The following MEF2C variants were observed in gnomAD, a reference collection of about 807,000 sequenced individuals.
The protein encoded by MEF2C is myocyte enhancer factor 2C.
In MEF2C, 6 loss-of-function variants were observed where a neutral mutation model predicts 50.5. That is an observed-to-expected ratio of 0.12 (90% confidence interval 0.07 to 0.23). The LOEUF (loss-of-function observed/expected upper bound fraction) is 0.23, where lower values mean the gene tolerates loss of function less well. Ranked by LOEUF, MEF2C falls within the 10% of genes least tolerant of loss-of-function variation. The pLI is 1.00. For missense variants in MEF2C, 276 were observed against 605.0 expected, an observed-to-expected ratio of 0.46 and a Z score of 5.70; for synonymous variants, 183 against 228.0, an observed-to-expected ratio of 0.80 and a Z score of 1.78.
chr5:88,818,437 G>C (rs1806606201), intron 2 of MEF2C, among the ~76,000 whole-genome samples: 1 of 151,770 alleles, frequency 6.6e-6, no homozygotes, highest in Non-Finnish European at 1.5e-5. Context: ...AACTGATGGA[G>C]GTATTTCAAG....
chr5:88,737,077 T>C, intron 6 of MEF2C: 1 of 984,964 alleles, frequency 1.0e-6, no homozygotes, highest in Non-Finnish European at 1.2e-6. Context: ...ATATAGAATA[T>C]GCTAGAAAAA....
chr5:88,898,267 G>GGTTTT, intron 1 of MEF2C, among the ~76,000 whole-genome samples: 1 of 152,224 alleles, frequency 6.6e-6, no homozygotes, highest in South Asian at 2.1e-4. Flanking sequence ...AACCAGTTAA[G>GGTTTT]CAATATGGAA....
chr5:88,816,819 T>A (rs1443245267), intron 2 of MEF2C, among the ~76,000 whole-genome samples: 1 of 151,906 alleles, frequency 6.6e-6, no homozygotes. Context: ...TAAGAAATGA[T>A]ACTAAGAAAA....
chr5:88,809,040 T>C (rs1005695732), intron 2 of MEF2C, among the ~76,000 whole-genome samples: 11 of 152,146 alleles, frequency 7.2e-5, no homozygotes, highest in African/African-American at 2.7e-4. Flanking sequence ...TAATGTGTGA[T>C]ATAGCATAGA....
intron 1 of MEF2C, among the ~76,000 whole-genome samples, chr5:88,866,419 C>A (rs1384338733): frequency 6.6e-6 from 1 of 152,148 alleles, no homozygotes; most frequent in Non-Finnish European, 1.5e-5. Flanking sequence ...TCTGGTAATT[C>A]AGAAATATCT....
At chr5:88,880,998 T>C (rs921408098) in intron 1 of MEF2C, 3 of 152,068 alleles carry the variant, frequency 2.0e-5, no homozygotes, top group Non-Finnish European at 4.4e-5. Context: ...ATGAATGAAG[T>C]AAAATGCTGC....
At chr5:88,780,164 GAAAAAAGA>G in intron 3 of MEF2C, among the ~76,000 whole-genome samples, 1 of 151,286 alleles carries the variant, frequency 6.6e-6, no homozygotes, top group South Asian at 2.1e-4. Flanking sequence ...AAAAGAAAAA[GAAAAAAGA>G]AAAAACGAAA....
intron 6 of MEF2C, chr5:88,735,992 G>C (rs1561727399): frequency 2.0e-6 from 2 of 985,152 alleles, no homozygotes; most frequent in Middle Eastern, 5.2e-4. Flanking sequence ...AGCATAAACA[G>C]AATTAGTCAC....
intron 1 of MEF2C, among the ~76,000 whole-genome samples, chr5:88,902,299 A>G (rs2150344822): frequency 6.6e-6 from 1 of 151,954 alleles, no homozygotes; most frequent in African/African-American, 2.4e-5. Context: ...CAAAATATAT[A>G]TGAAAGTAGC....
chr5:88,736,580 C>A (rs1313579358), intron 6 of MEF2C: 2 of 964,788 alleles, frequency 2.1e-6, no homozygotes, highest in Non-Finnish European at 2.5e-6. Flanking sequence ...AGGGGTTCTT[C>A]ACCAGGCCTT....
intron 2 of MEF2C, among the ~76,000 whole-genome samples, chr5:88,810,811 C>T (rs1283978736): frequency 6.6e-6 from 1 of 152,076 alleles, no homozygotes; most frequent in African/African-American, 2.4e-5. Flanking sequence ...GCAGGCTTAT[C>T]AGATCTGCAT....
chr5:88,883,571 A>G (rs931466051), upstream of MEF2C: 2 of 151,962 alleles, frequency 1.3e-5, no homozygotes, highest in Non-Finnish European at 2.9e-5. Flanking sequence ...ACGGAGCACG[A>G]ATGGTTGGGG....
At chr5:88,880,997 G>GTAA in intron 1 of MEF2C, 1 of 151,982 alleles carries the variant, frequency 6.6e-6, no homozygotes, top group East Asian at 1.9e-4. Flanking sequence ...AATGAATGAA[G>GTAA]TAAAATGCTG....
chr5:88,861,197 G>T (rs1429299005), intron 1 of MEF2C, among the ~76,000 whole-genome samples: 1 of 152,202 alleles, frequency 6.6e-6, no homozygotes, highest in Non-Finnish European at 1.5e-5. Context: ...AAGTTGTAGA[G>T]ATTTTGAATG....
At position 88,751,809 on chromosome 5, in the gene MEF2C, T is replaced by G. The variant is rs751363879; in HGVS notation, c.589+48A>C. On this transcript the variant is annotated intron_variant, in intron 5 of 10. Coordinates refer to ENST00000504921, the MANE Select transcript of MEF2C (RefSeq NM_002397.5). ...AAAGCAGTGTTGGCTTTGCCGAAAA[T>G]GGTTCCTTCCAACTATTTGTTAGCA... 3 of 1,577,186 alleles carry G rather than the reference T, an allele frequency of 1.9e-6. No homozygotes were observed. The African/African-American group carries it at 4.1e-5, about 21-fold the overall frequency.
chr5:88,785,157 C>T (rs909294718), intron 3 of MEF2C, among the ~76,000 whole-genome samples: 1 of 152,032 alleles, frequency 6.6e-6, no homozygotes, highest in Admixed American at 6.6e-5. Context: ...AATGCTCAGA[C>T]TCGTATAACC....
chr5:88,864,230 G>C (rs541164706), intron 1 of MEF2C, among the ~76,000 whole-genome samples: 1 of 151,252 alleles, frequency 6.6e-6, no homozygotes, highest in Non-Finnish European at 1.5e-5. Context: ...TATTTGAGGT[G>C]ATAGTTATGT....
At chr5:88,737,198 T>C (rs1305185557) in intron 6 of MEF2C, 7 of 985,208 alleles carry the variant, frequency 7.1e-6, no homozygotes, top group Non-Finnish European at 8.4e-6. Flanking sequence ...GGGTCTCTTC[T>C]CTTTATGCTA....
At chr5:88,772,525 C>A (rs1158850546) in intron 3 of MEF2C, among the ~76,000 whole-genome samples, 1 of 152,214 alleles carries the variant, frequency 6.6e-6, no homozygotes, top group East Asian at 1.9e-4. Context: ...GGACCAACAT[C>A]ACCAATAACA....
Sources: gnomAD v4.1 joint callset for allele counts (sites outside exome capture counted in the v4.1 genomes callset) on GRCh38, gnomAD v4.1.1 for gene constraint, MANE v1.5 for transcripts, NCBI Gene and HGNC (gene_info 2026-07-23, HGNC 2026-07-21) for gene names.